Variants in PPP5C observed in about 807,000 individuals in gnomAD.
PPP5C encodes the protein serine/threonine-protein phosphatase 5.
A neutral mutation model predicts 66.7 loss-of-function variants in PPP5C; 21 were observed. The ratio of observed to expected loss-of-function variants is 0.31; its 90% CI spans 0.22 to 0.45. The LOEUF is 0.45. PPP5C is among the 20% of genes least tolerant of loss of function. The probability of loss-of-function intolerance (pLI) is 1.00; values close to 1 mark genes in which losing one functional copy is unlikely to be tolerated. For missense variants in PPP5C, 464 were observed against 675.9 expected (o/e 0.69, Z 3.48); for synonymous variants, 246 against 257.4 (o/e 0.96, Z 0.43).
chr19:46,354,125 G>A, intron 2 of PPP5C, 136 bp downstream of exon 2: 1 of 1,338,556 alleles, frequency 7.5e-7, no homozygotes, highest in Non-Finnish European at 1.0e-6. Flanking sequence ...GTGGGGCCTT[G>A]GGCCCAGGCC....
At chr19:46,361,796 G>T (rs888447519) in intron 2 of PPP5C, among the ~76,000 whole-genome samples, 10 of 149,850 alleles carry the variant, frequency 6.7e-5, no homozygotes, top group African/African-American at 1.7e-4. Flanking sequence ...CCAAAATTTT[G>T]CTCAAAAGAG....
chr19:46,363,328 A>C (rs868565671), intron 2 of PPP5C, among the ~76,000 whole-genome samples: 1,338 of 133,364 alleles, frequency 0.01, 64 homozygotes, highest in African/African-American at 0.022. Context: ...AAAAAAAAAA[A>C]AAAAAAAAAA....
At chr19:46,349,659 T>C (rs1327988028) in intron 1 of PPP5C, among the ~76,000 whole-genome samples, 2 of 151,700 alleles carry the variant, frequency 1.3e-5, no homozygotes, top group Non-Finnish European at 2.9e-5. Flanking sequence ...GTTCAGTTAG[T>C]GTTCAGAAAA....
Position 46,388,836 on chromosome 19 carries a change from G to A in PPP5C, c.1355+105G>A, listed in dbSNP as rs1972939202. ...TGGAACATTTCAAAGACAGGCAAGAGCAGATAAAAGAACATGACGAACACC... is the reference window on the plus strand; with the variant it reads ...TGGAACATTTCAAAGACAGGCAAGAACAGATAAAAGAACATGACGAACACC... On this transcript the variant is annotated intron_variant, in intron 11 of 12. Coordinates refer to ENST00000012443, the MANE Select transcript of PPP5C (RefSeq NM_006247.4). This position sits in a 1 kb window ranked among gnomAD's most constrained non-coding sequence, Gnocchi z 4.9. The A allele has an allele frequency of 1.4e-6, 2 of 1,415,324 alleles. No homozygotes were observed. Among genetic ancestry groups the A allele is most frequent in the Admixed American group, 2.0e-5 (1 of 50,478 alleles). The allele number at this position is 1,415,324 out of a possible 1,614,324, so 87.7% of individuals were successfully genotyped here.
chr19:46,386,541 G>A (rs1440349204), intron 7 of PPP5C, among the ~76,000 whole-genome samples: 3 of 152,016 alleles, frequency 2.0e-5, no homozygotes, highest in Non-Finnish European at 2.9e-5. Context: ...AAGGAGGCCG[G>A]GTGCTTGTGT....
Position 46,390,713 on chromosome 19 carries a change from A to G in PPP5C, c.*367A>G. 1.7e-6 allele frequency: 2 copies of G among 1,168,908 alleles called. No individual in the cohort carries two copies. The highest frequency in any genetic ancestry group is 2.1e-6 in the Non-Finnish European group (2 of 934,610). 72.4% of individuals were successfully genotyped at this position (1,168,908 alleles called of 1,614,324 possible). Reference sequence around the variant, plus strand: ...GGCCCCGCCATAGGAAGACCCCCAGAGAGAGGGTCAGCAGGGGGGCCCCGC... The same window carrying G: ...GGCCCCGCCATAGGAAGACCCCCAGGGAGAGGGTCAGCAGGGGGGCCCCGC... On this transcript the variant is annotated 3_prime_UTR_variant, in exon 13 of 13. Transcript: ENST00000012443.
chr19:46,381,131 C>T (rs976217880), intron 4 of PPP5C, among the ~76,000 whole-genome samples: 2 of 152,148 alleles, frequency 1.3e-5, no homozygotes, highest in South Asian at 2.1e-4. Context: ...TTTGTAACTG[C>T]TGTCAAGCCC....
At chr19:46,372,851 T>C (rs959087360) in intron 2 of PPP5C, among the ~76,000 whole-genome samples, 4 of 152,236 alleles carry the variant, frequency 2.6e-5, no homozygotes, top group Non-Finnish European at 5.9e-5. Context: ...TCTGACCCGG[T>C]GGGCCTTCAG....
At chr19:46,378,559 C>T (rs1358215014) in intron 4 of PPP5C, among the ~76,000 whole-genome samples, 4 of 152,270 alleles carry the variant, frequency 2.6e-5, no homozygotes, top group South Asian at 2.1e-4. Context: ...TTAAAAGCTC[C>T]GACTATACTT....
chr19:46,388,250 C>T lies in PPP5C; in HGVS notation c.1136-158C>T. Reference sequence around the variant, plus strand: ...GGGGGTGGCTCAGAATCACAGTCACCTGTCCTGAATGTCCATGTCCATGCT... The same window carrying T: ...GGGGGTGGCTCAGAATCACAGTCACTTGTCCTGAATGTCCATGTCCATGCT... On this transcript the variant is annotated intron_variant, in intron 9 of 12. Transcript: ENST00000012443. The surrounding 1 kb of genome is among the most constrained non-coding windows in gnomAD (Gnocchi z 4.9). 2.7e-6 allele frequency: 2 copies of T among 743,444 alleles called. No individual in the cohort carries two copies. The highest frequency in any genetic ancestry group is 2.9e-5 in the Admixed American group (1 of 33,910). The allele number at this position is 743,444 out of a possible 1,614,324, so 46.1% of individuals were successfully genotyped here.
intron 2 of PPP5C, among the ~76,000 whole-genome samples, chr19:46,372,484 A>T (rs1450671112): frequency 6.6e-6 from 1 of 152,098 alleles, no homozygotes; most frequent in Non-Finnish European, 1.5e-5. Context: ...CAGTGGTGGG[A>T]TTATAGGTGT....
At chr19:46,348,510 C>T (rs1475686314) in intron 1 of PPP5C, among the ~76,000 whole-genome samples, 6 of 152,110 alleles carry the variant, frequency 3.9e-5, no homozygotes, top group East Asian at 3.9e-4. Flanking sequence ...GATGGGGTTT[C>T]GCCATGTTGG....
intron 4 of PPP5C, among the ~76,000 whole-genome samples, chr19:46,380,062 T>C (rs1288151956): frequency 6.6e-6 from 1 of 152,182 alleles, no homozygotes; most frequent in Non-Finnish European, 1.5e-5. Context: ...CCCAGCAGTT[T>C]CGGAGGCCGA....
chr19:46,383,687 T>C lies in PPP5C; in HGVS notation c.700-93T>C, dbSNP rs1972834230. 1.6e-5 allele frequency: 18 copies of C among 1,127,312 alleles called. 1 individual carries two copies. The South Asian group carries it at 2.4e-4, about 15-fold the overall frequency. The allele number at this position is 1,127,312 out of a possible 1,614,324, so 69.8% of individuals were successfully genotyped here. ...GTGTCTCTTGCATGATTCTTCTTGG[T>C]CTACTGTGAACTCTTACCCTTCCCC... On this transcript the variant is annotated intron_variant, in intron 5 of 12. Coordinates refer to ENST00000012443, the MANE Select transcript of PPP5C (RefSeq NM_006247.4). This position sits in a 1 kb window ranked among gnomAD's most constrained non-coding sequence, Gnocchi z 5.0.
At chr19:46,365,348 C>T (rs1365896775) in intron 2 of PPP5C, among the ~76,000 whole-genome samples, 2 of 151,614 alleles carry the variant, frequency 1.3e-5, no homozygotes, top group Non-Finnish European at 2.9e-5. Flanking sequence ...AAATGCCTGA[C>T]CTCAAGTGAT....
chr19:46,358,571 G>T (rs1267134079), intron 2 of PPP5C, among the ~76,000 whole-genome samples: 1 of 152,114 alleles, frequency 6.6e-6, no homozygotes, highest in Admixed American at 6.6e-5. Flanking sequence ...TATACCTGTT[G>T]TCCTAAAGGA....
intron 9 of PPP5C, chr19:46,387,926 G>A (rs919341040): frequency 4.0e-5 from 13 of 325,308 alleles, no homozygotes; most frequent in African/African-American, 1.3e-4. Flanking sequence ...GGCATCTGCC[G>A]TGCACAGAGC....
chr19:46,350,687 CG>C (rs932431692), intron 1 of PPP5C, among the ~76,000 whole-genome samples: 2 of 152,136 alleles, frequency 1.3e-5, no homozygotes. Context: ...TAATCCTCCC[CG>C]GGGGCTGGGA....
intron 1 of PPP5C, 99 bp from the exon 2 acceptor site, chr19:46,353,649 T>G: frequency 6.5e-7 from 1 of 1,540,364 alleles, no homozygotes; most frequent in Non-Finnish European, 8.8e-7. Context: ...AGCCCTCAGC[T>G]TCCCCATCTG....
Sources: gnomAD v4.1 joint callset for allele counts (sites outside exome capture counted in the v4.1 genomes callset) on GRCh38, gnomAD v4.1.1 for gene constraint, Gnocchi (gnomAD v3.1) non-coding constraint, MANE v1.5 for transcripts, NCBI Gene and HGNC (gene_info 2026-07-23, HGNC 2026-07-21) for gene names.